THRB: variants seen among roughly 807,000 people sequenced by gnomAD.
The protein encoded by THRB is thyroid hormone receptor beta.
Under a neutral mutation model 47.8 loss-of-function variants are expected in THRB, and 12 were observed. That is an observed-to-expected ratio of 0.25 (90% CI 0.16 to 0.41). THRB has a LOEUF of 0.41. Ranked by LOEUF, THRB falls within the 10% of genes least tolerant of loss-of-function variation. THRB has a pLI of 1.00. For synonymous variants in THRB, 218 were observed against 212.2 expected (o/e 1.03, Z -0.24); for missense variants, 348 against 589.2 (o/e 0.59, Z 4.24).
chr3:24,447,666 T>C (rs1036794357), intron 1 of THRB, among the ~76,000 whole-genome samples: 4 of 152,116 alleles, frequency 2.6e-5, no homozygotes, highest in Non-Finnish European at 5.9e-5. Context: ...CAAAACTCTA[T>C]GATCTGAGTC....
intron 1 of THRB, among the ~76,000 whole-genome samples, chr3:24,375,330 T>TA (rs1560049712): frequency 3.4e-5 from 5 of 146,388 alleles, no homozygotes; most frequent in Non-Finnish European, 4.5e-5. Context: ...TTTAGACATA[T>TA]ATTATTATAT....
At chr3:24,158,502 C>T (rs946940369) in intron 5 of THRB, among the ~76,000 whole-genome samples, 2 of 151,660 alleles carry the variant, frequency 1.3e-5, no homozygotes, top group Non-Finnish European at 2.9e-5. Context: ...GATCTCGGCT[C>T]GCTGCAGCTT....
At chr3:24,280,504 A>G (rs886862742) in intron 3 of THRB, among the ~76,000 whole-genome samples, 1 of 152,178 alleles carries the variant, frequency 6.6e-6, no homozygotes, top group East Asian at 1.9e-4. Flanking sequence ...GAGCAGAAAA[A>G]CTGGAAACTC....
chr3:24,438,867 G>C (rs2071248454), intron 1 of THRB, among the ~76,000 whole-genome samples: 1 of 152,126 alleles, frequency 6.6e-6, no homozygotes, highest in Non-Finnish European at 1.5e-5. Context: ...CCCTAAACAA[G>C]GAAAAGGCAG....
chr3:24,340,646 C>T (rs1169317943), intron 1 of THRB, among the ~76,000 whole-genome samples: 1 of 152,172 alleles, frequency 6.6e-6, no homozygotes, highest in Non-Finnish European at 1.5e-5. Context: ...CCAGTTCTCA[C>T]ACATACAAGT....
At chr3:24,347,345 C>G (rs2063084319) in intron 1 of THRB, among the ~76,000 whole-genome samples, 1 of 151,588 alleles carries the variant, frequency 6.6e-6, no homozygotes, top group Non-Finnish European at 1.5e-5. Flanking sequence ...TTTCAAGAAG[C>G]CCTAAAAATA....
intron 1 of THRB, among the ~76,000 whole-genome samples, chr3:24,422,191 G>C (rs1218561413): frequency 6.6e-6 from 1 of 151,912 alleles, no homozygotes; most frequent in Non-Finnish European, 1.5e-5. Context: ...TAAAGTTTGA[G>C]ATTCTATCTA....
intron 1 of THRB, among the ~76,000 whole-genome samples, chr3:24,485,135 A>T (rs1440130893): frequency 1.3e-5 from 2 of 152,222 alleles, no homozygotes; most frequent in Non-Finnish European, 2.9e-5. Context: ...ATCATATAGA[A>T]ACACGTTCCT....
intron 1 of THRB, among the ~76,000 whole-genome samples, chr3:24,419,334 G>T (rs2069028066): frequency 6.6e-6 from 1 of 151,798 alleles, no homozygotes; most frequent in African/African-American, 2.4e-5. Context: ...AATTGGCCAA[G>T]CAAAGAACTT....
intron 2 of THRB, among the ~76,000 whole-genome samples, chr3:24,335,136 C>T (rs1269212150): frequency 6.6e-6 from 1 of 152,150 alleles, no homozygotes; most frequent in African/African-American, 2.4e-5. Context: ...GCTCAGAGGA[C>T]CCCATCTGGA....
At chr3:24,412,761 C>T (rs1044949680) in intron 1 of THRB, among the ~76,000 whole-genome samples, 9 of 151,638 alleles carry the variant, frequency 5.9e-5, no homozygotes, top group African/African-American at 9.7e-5. Context: ...AAAACATTTA[C>T]GGCACAAATT....
chr3:24,390,043 T>C (rs1218817922), intron 1 of THRB, among the ~76,000 whole-genome samples: 1 of 152,118 alleles, frequency 6.6e-6, no homozygotes, highest in Non-Finnish European at 1.5e-5. Context: ...CAAGGCTATA[T>C]TTGTATAGCA....
At chr3:24,183,078 A>G (rs1420598280) in intron 5 of THRB, among the ~76,000 whole-genome samples, 2 of 152,078 alleles carry the variant, frequency 1.3e-5, no homozygotes, top group East Asian at 3.9e-4. Flanking sequence ...GAAAAAAAAT[A>G]CTTTGGTTGT....
At chr3:24,327,786 T>C (rs182691268) in intron 2 of THRB, among the ~76,000 whole-genome samples, 15 of 152,312 alleles carry the variant, frequency 9.8e-5, no homozygotes, top group Admixed American at 6.5e-4. Flanking sequence ...AAAATTCAAA[T>C]TAAGACTTTG....
intron 2 of THRB, among the ~76,000 whole-genome samples, chr3:24,333,468 C>G (rs41333647): frequency 6.6e-6 from 1 of 152,188 alleles, no homozygotes; most frequent in Non-Finnish European, 1.5e-5. Context: ...CTCTTAATGA[C>G]TTGAAATAGG....
intron 3 of THRB, among the ~76,000 whole-genome samples, chr3:24,234,344 G>T (rs2048652074): frequency 6.6e-6 from 1 of 152,124 alleles, no homozygotes; most frequent in South Asian, 2.1e-4. Flanking sequence ...TTAAAATGCA[G>T]ATAGCTAATG....
At chr3:24,405,652 C>A (rs1413507772) in intron 1 of THRB, among the ~76,000 whole-genome samples, 3 of 151,656 alleles carry the variant, frequency 2.0e-5, no homozygotes, top group Admixed American at 2.0e-4. Context: ...CAAGTCTTTT[C>A]TTTTGATATA....
At chr3:24,485,369 T>C (rs926849440) in intron 1 of THRB, among the ~76,000 whole-genome samples, 11 of 152,156 alleles carry the variant, frequency 7.2e-5, no homozygotes, top group South Asian at 2.1e-4. Context: ...ATTAGAAAAA[T>C]TTTGCCACAT....
intron 3 of THRB, among the ~76,000 whole-genome samples, chr3:24,295,133 C>T (rs146506441): frequency 4.9e-4 from 74 of 152,234 alleles, no homozygotes; most frequent in Admixed American, 1.4e-3. Flanking sequence ...AAATATATAA[C>T]GGGGGCTGAT....
Sources: allele counts gnomAD v4.1 joint callset (sites outside exome capture counted in the v4.1 genomes callset), GRCh38; gene constraint gnomAD v4.1.1; transcripts MANE v1.5; gene names NCBI Gene and HGNC (gene_info 2026-07-23, HGNC 2026-07-21).